The following SLC6A13 variants were observed in gnomAD, a reference collection of about 807,000 sequenced individuals.
The protein encoded by SLC6A13 is sodium- and chloride-dependent GABA transporter 2.
Under a neutral mutation model 72.9 loss-of-function variants are expected in SLC6A13, and 69 were observed. The ratio of observed to expected loss-of-function variants is 0.95; its 90% CI spans 0.78 to 1.16. The LOEUF (loss-of-function observed/expected upper bound fraction) is 1.16, where lower values mean the gene tolerates loss of function less well. Among genes scored for constraint, SLC6A13 ranks in the 50% most tolerant of loss-of-function variants. The pLI, the probability that SLC6A13 is intolerant of heterozygous loss-of-function variation, is 0.00. For synonymous variants in SLC6A13, 303 were observed against 303.0 expected (o/e 1.00, Z 0.00); for missense variants, 735 against 760.5 (o/e 0.97, Z 0.39).
intron 14 of SLC6A13, 81 bp from the exon 15 acceptor site, chr12:221,151 C>T (rs1040618670): frequency 5.4e-6 from 8 of 1,491,180 alleles, no homozygotes; most frequent in Admixed American, 2.2e-5. Context: ...ACATCTGCTG[C>T]CTCCCCACAC....
At chr12:246,651 G>A (rs187712218) in intron 2 of SLC6A13, among the ~76,000 whole-genome samples, 21 of 152,268 alleles carry the variant, frequency 1.4e-4, no homozygotes, top group Admixed American at 4.6e-4. Context: ...AGGCAGAGCA[G>A]AAGAAAAGAT....
intron 6 of SLC6A13, among the ~76,000 whole-genome samples, chr12:236,159 T>A (rs576720980): frequency 6.6e-6 from 1 of 152,228 alleles, no homozygotes. Flanking sequence ...TTTGTCCTGT[T>A]CCCTCAGAAG....
At chr12:258,698 C>A (rs1211003453) in intron 2 of SLC6A13, among the ~76,000 whole-genome samples, 2 of 152,192 alleles carry the variant, frequency 1.3e-5, no homozygotes, top group African/African-American at 4.8e-5. Context: ...ACAAAATTCC[C>A]TGACTGTGGG....
intron 1 of SLC6A13, 103 bp from the exon 2 acceptor site, chr12:260,160 G>C: frequency 7.9e-7 from 1 of 1,269,260 alleles, no homozygotes; most frequent in Non-Finnish European, 1.1e-6. Context: ...TGCACTGGAA[G>C]AGGTGAATTT....
intron 7 of SLC6A13, among the ~76,000 whole-genome samples, chr12:230,961 A>G (rs552319897): frequency 6.6e-6 from 1 of 152,356 alleles, no homozygotes; most frequent in Admixed American, 6.5e-5. Flanking sequence ...AATAAAGACT[A>G]GTTCTAATCG....
At chr12:231,256 G>A (rs1941696355) in intron 7 of SLC6A13, among the ~76,000 whole-genome samples, 1 of 152,226 alleles carries the variant, frequency 6.6e-6, no homozygotes, top group South Asian at 2.1e-4. Context: ...CCCTCAAACA[G>A]CGAGCCTGGC....
chr12:260,178 C>G, intron 1 of SLC6A13, 121 bp from the exon 2 acceptor site: 1 of 1,061,810 alleles, frequency 9.4e-7, no homozygotes, highest in Non-Finnish European at 1.4e-6. Flanking sequence ...TTTCTATTCC[C>G]TTCCCTGTAG....
chr12:224,265 G>A, intron 10 of SLC6A13, 136 bp from the exon 11 acceptor site: 1 of 1,364,972 alleles, frequency 7.3e-7, no homozygotes, highest in Non-Finnish European at 1.0e-6. Flanking sequence ...GTCCTTGCCT[G>A]GTTAGGTCAG....
chr12:223,844 T>G, intron 11 of SLC6A13, 148 bp downstream of exon 11: 1 of 867,436 alleles, frequency 1.2e-6, no homozygotes, highest in Non-Finnish European at 1.8e-6. Context: ...ACTTTGTCGT[T>G]CCTGGGATGG....
At chr12:223,816 C>G in intron 11 of SLC6A13, 176 bp downstream of exon 11, 1 of 670,900 alleles carries the variant, frequency 1.5e-6, no homozygotes, top group Non-Finnish European at 2.5e-6. Flanking sequence ...GCCCAAAGGC[C>G]AGAGGAGGGA....
chr12:257,323 GC>G (rs1445013684), intron 2 of SLC6A13: 1 of 152,350 alleles, frequency 6.6e-6, no homozygotes, highest in Non-Finnish European at 1.5e-5. Flanking sequence ...GGTGACTCGT[GC>G]CCTCCAGAGC....
intron 2 of SLC6A13, chr12:259,522 G>T (rs541321439): frequency 5.1e-5 from 69 of 1,343,350 alleles, no homozygotes; most frequent in Non-Finnish European, 5.9e-5. Context: ...TTGCAGGAGC[G>T]GCAATTGATG....
At chr12:237,412 T>TGTG in intron 5 of SLC6A13, 122 bp from the exon 6 acceptor site, 1 of 1,052,320 alleles carries the variant, frequency 9.5e-7, no homozygotes, top group Non-Finnish European at 1.4e-6. Flanking sequence ...CTCTGCTCTC[T>TGTG]TCACATGAGG....
At chr12:251,699 T>C (rs1942555057) in intron 2 of SLC6A13, among the ~76,000 whole-genome samples, 1 of 152,102 alleles carries the variant, frequency 6.6e-6, no homozygotes, top group Non-Finnish European at 1.5e-5. Flanking sequence ...ACGCCTGTAA[T>C]CCCAGCACTT....
intron 2 of SLC6A13, among the ~76,000 whole-genome samples, chr12:246,059 A>G (rs1942337162): frequency 6.6e-6 from 1 of 152,066 alleles, no homozygotes; most frequent in South Asian, 2.1e-4. Flanking sequence ...CGGAGGTTGC[A>G]GTGAGCCGAG....
intron 1 of SLC6A13, among the ~76,000 whole-genome samples, chr12:261,049 G>A (rs776855755): frequency 1.1e-4 from 17 of 152,214 alleles, no homozygotes; most frequent in Middle Eastern, 3.4e-3. Flanking sequence ...TTTACTATGC[G>A]CTCTTTTTCT....
In SLC6A13 at chr12:220,731, A is replaced by G; in HGVS notation, c.*217T>C. 2 of 530,714 alleles carry G rather than the reference A, an allele frequency of 3.8e-6. No homozygotes were observed. The highest frequency in any genetic ancestry group is 6.6e-6 in the Non-Finnish European group (2 of 302,042). The allele number at this position is 530,714 out of a possible 1,614,324, so 32.9% of individuals were successfully genotyped here. Reference sequence around the variant, plus strand: ...CCAGCTTCCCAAGGGTCTCAGAGGGACACTCTTGGCACTGGCCTTTCACAT... The same window carrying G: ...CCAGCTTCCCAAGGGTCTCAGAGGGGCACTCTTGGCACTGGCCTTTCACAT... On this transcript the variant is annotated 3_prime_UTR_variant, in exon 15 of 15. Coordinates refer to ENST00000343164, the MANE Select transcript of SLC6A13 (RefSeq NM_016615.5).
chr12:227,428 G>A (rs1941506313), intron 8 of SLC6A13, 137 bp downstream of exon 8: 1 of 1,447,886 alleles, frequency 6.9e-7, no homozygotes, highest in African/African-American at 1.4e-5. Context: ...GGTAGCCCTG[G>A]GGTGTTGGAT....
At chr12:222,114 C>T (rs1465971009) in intron 13 of SLC6A13, among the ~76,000 whole-genome samples, 1 of 152,232 alleles carries the variant, frequency 6.6e-6, no homozygotes, top group Non-Finnish European at 1.5e-5. Flanking sequence ...GTAACAACAG[C>T]ACTTCCTTTA....
Sources: gnomAD v4.1 joint callset for allele counts (sites outside exome capture counted in the v4.1 genomes callset) on GRCh38, gnomAD v4.1.1 for gene constraint, MANE v1.5 for transcripts, NCBI Gene and HGNC (gene_info 2026-07-23, HGNC 2026-07-21) for gene names.